The following TAFA1 variants were observed in gnomAD, a reference collection of about 807,000 sequenced individuals.
TAFA1 encodes TAFA chemokine like family member 1, also known as chemokine-like protein TAFA-1.
A neutral mutation model predicts 18.5 loss-of-function variants in TAFA1; 4 were observed. The observed-to-expected ratio is 0.22, with a 90% CI of 0.11 to 0.49. The LOEUF (loss-of-function observed/expected upper bound fraction) is 0.49. Ranked by LOEUF, TAFA1 falls within the 20% of genes least tolerant of loss-of-function variation. The pLI, the probability that TAFA1 is intolerant of heterozygous loss-of-function variation, is 0.98. For missense variants in TAFA1, 147 were observed against 169.0 expected (o/e 0.87, Z 0.72); for synonymous variants, 56 against 55.2 (o/e 1.01, Z -0.06).
At chr3:68,170,863 AACACAC>A (rs71112619) in intron 2 of TAFA1, among the ~76,000 whole-genome samples, 3 of 146,158 alleles carry the variant, frequency 2.1e-5, no homozygotes, top group East Asian at 2.0e-4. Context: ...CACACACAGA[AACACAC>A]ACACACACAC....
At chr3:68,252,896 T>C (rs1042359874) in intron 2 of TAFA1, among the ~76,000 whole-genome samples, 1 of 152,168 alleles carries the variant, frequency 6.6e-6, no homozygotes, top group African/African-American at 2.4e-5. Context: ...GTTCTCATGA[T>C]AGTGAATAAG....
intron 3 of TAFA1, among the ~76,000 whole-genome samples, chr3:68,440,461 A>G (rs2071355990): frequency 6.6e-6 from 1 of 152,234 alleles, no homozygotes; most frequent in African/African-American, 2.4e-5. Context: ...AAGTGTATAC[A>G]TGCACAAACA....
At chr3:68,066,422 C>T (rs2064678972) in intron 2 of TAFA1, among the ~76,000 whole-genome samples, 1 of 152,170 alleles carries the variant, frequency 6.6e-6, no homozygotes, top group African/African-American at 2.4e-5. Flanking sequence ...ATATACACCT[C>T]TCTGTAGATA....
chr3:68,096,463 GC>G, intron 2 of TAFA1, among the ~76,000 whole-genome samples: 1 of 152,100 alleles, frequency 6.6e-6, no homozygotes, highest in South Asian at 2.1e-4. Flanking sequence ...TAAATGACTT[GC>G]CAAGATAGTA....
chr3:68,088,660 T>A (rs2064998827), intron 2 of TAFA1, among the ~76,000 whole-genome samples: 1 of 152,178 alleles, frequency 6.6e-6, no homozygotes, highest in Admixed American at 6.5e-5. Flanking sequence ...ATTCCATCTG[T>A]CAAAGCCAAG....
intron 2 of TAFA1, among the ~76,000 whole-genome samples, chr3:68,244,782 C>T (rs745688924): frequency 9.2e-5 from 14 of 152,146 alleles, no homozygotes; most frequent in Non-Finnish European, 1.9e-4. Context: ...TATTTCTAAG[C>T]ACATTCCCTG....
rs564769290 is a variant in TAFA1, at chr3:68,364,197, A to G, written c.119-53083A>G. Among the ~76,000 whole-genome samples, 11 of 152,320 alleles carry G rather than the reference A, an allele frequency of 7.2e-5. No individual in the cohort carries two copies. In the South Asian group the frequency reaches 1.2e-3, roughly 17 times the overall value. ...AGCTTTAAGTCAGCACTTAGGACAG[A>G]AGGATATAGCTCTCAGAATATCCTG... On this transcript the variant is annotated intron_variant, in intron 2 of 4. Transcript: ENST00000478136.
chr3:68,116,058 C>T lies in TAFA1; in HGVS notation c.118+109314C>T, dbSNP rs139846679. Among the ~76,000 whole-genome samples, 576 of 152,214 alleles carry T rather than the reference C, an allele frequency of 3.8e-3. 6 individuals carry two copies. In the East Asian group the frequency reaches 0.04, roughly 11 times the overall value. On this transcript the variant is annotated intron_variant, in intron 2 of 4. Transcript: ENST00000478136. Reference sequence around the variant, plus strand: ...GATCACGAGGTCAGGAGAGTGAGACCATCCTGGCTAACAGGATGAAACCCC... The same window carrying T: ...GATCACGAGGTCAGGAGAGTGAGACTATCCTGGCTAACAGGATGAAACCCC...
At chr3:68,006,484 C>G (rs1704359625) in intron 1 of TAFA1, 140 bp from the exon 2 acceptor site, 2 of 641,712 alleles carry the variant, frequency 3.1e-6, no homozygotes, top group Non-Finnish European at 2.9e-6. Context: ...CATGGCATGA[C>G]CTCTGCTGGA....
chr3:68,101,611 T>C (rs2065148509), intron 2 of TAFA1, among the ~76,000 whole-genome samples: 1 of 152,108 alleles, frequency 6.6e-6, no homozygotes. Flanking sequence ...GCCTTCCATG[T>C]TTTGAAGAGG....
At chr3:68,099,220 A>G (rs2065120425) in intron 2 of TAFA1, among the ~76,000 whole-genome samples, 1 of 152,170 alleles carries the variant, frequency 6.6e-6, no homozygotes, top group Admixed American at 6.5e-5. Flanking sequence ...TAAACAGATA[A>G]CCTACAAAAG....
chr3:68,181,086 A>G (rs931289883), intron 2 of TAFA1, among the ~76,000 whole-genome samples: 4 of 152,176 alleles, frequency 2.6e-5, no homozygotes, highest in Non-Finnish European at 4.4e-5. Context: ...CCTTGGTCCA[A>G]CAAACTACAA....
At chr3:68,427,607 T>C (rs1326222861) in intron 3 of TAFA1, among the ~76,000 whole-genome samples, 2 of 151,972 alleles carry the variant, frequency 1.3e-5, no homozygotes, top group East Asian at 3.9e-4. Flanking sequence ...TAATGATATA[T>C]ATGTTCCTCC....
In TAFA1 at chr3:68,544,813, A is replaced by G. The variant is rs1559713643; in HGVS notation, c.*310A>G. 3.3e-5 allele frequency: 5 copies of G among 152,660 alleles called. No homozygotes were observed. Among genetic ancestry groups the G allele is most frequent in the South Asian group, 2.1e-4 (1 of 4,814 alleles). 9.5% of individuals were successfully genotyped at this position (152,660 alleles called of 1,614,324 possible). On this transcript the variant is annotated 3_prime_UTR_variant, in exon 5 of 5. Transcript: ENST00000478136. ...ACTTTGTACCATTTGAAATATATGT[A>G]TATATATATATATAATATTTTGAAA...
At chr3:68,440,197 A>G (rs2071348839) in intron 3 of TAFA1, among the ~76,000 whole-genome samples, 1 of 152,058 alleles carries the variant, frequency 6.6e-6, no homozygotes, top group Admixed American at 6.6e-5. Flanking sequence ...GGCTTTAAAA[A>G]CAGAAGTTTC....
At chr3:68,345,501 T>C (rs986985494) in intron 2 of TAFA1, among the ~76,000 whole-genome samples, 3 of 152,084 alleles carry the variant, frequency 2.0e-5, no homozygotes, top group Non-Finnish European at 4.4e-5. Flanking sequence ...GAAAAGGGGA[T>C]TAACAGCACT....
At chr3:68,459,055 T>C (rs2071723373) in intron 3 of TAFA1, among the ~76,000 whole-genome samples, 1 of 152,186 alleles carries the variant, frequency 6.6e-6, no homozygotes, top group African/African-American at 2.4e-5. Flanking sequence ...GCGAGAATTC[T>C]TCAGAGTTTT....
At chr3:68,120,748 G>A (rs2065388885) in intron 2 of TAFA1, among the ~76,000 whole-genome samples, 1 of 152,162 alleles carries the variant, frequency 6.6e-6, no homozygotes, top group African/African-American at 2.4e-5. Context: ...GAAGAAGCAT[G>A]TTTTCTCATG....
intron 2 of TAFA1, among the ~76,000 whole-genome samples, chr3:68,244,205 C>CT (rs908124866): frequency 2.6e-5 from 4 of 152,212 alleles, no homozygotes; most frequent in Non-Finnish European, 5.9e-5. Context: ...CTTCCAAACT[C>CT]TAATTTCCCT....
Sources: allele counts gnomAD v4.1 joint callset (sites outside exome capture counted in the v4.1 genomes callset), GRCh38; gene constraint gnomAD v4.1.1; transcripts MANE v1.5; gene names NCBI Gene and HGNC (gene_info 2026-07-23, HGNC 2026-07-21).